Variants in WWOX observed in about 807,000 individuals in gnomAD.
The protein encoded by WWOX is WW domain containing oxidoreductase, also known as WW domain-containing oxidoreductase.
A neutral mutation model predicts 46.2 loss-of-function variants in WWOX; 69 were observed. That is an observed-to-expected ratio of 1.49 (90% CI 1.23 to 1.82). The LOEUF is 1.82. Ranked by LOEUF, WWOX falls within the 40% of genes most tolerant of loss-of-function variation. The pLI is 0.00. For synonymous variants in WWOX, 359 were observed against 202.6 expected, an observed-to-expected ratio of 1.77 and a Z score of -6.56; for missense variants, 919 against 542.6, an observed-to-expected ratio of 1.69 and a Z score of -6.89.
chr16:78,908,158 C>G (rs1256338239), intron 8 of WWOX, among the ~76,000 whole-genome samples: 1 of 152,150 alleles, frequency 6.6e-6, no homozygotes, highest in Non-Finnish European at 1.5e-5. Flanking sequence ...AGTGTCACAA[C>G]TTAAGAGCCA....
At chr16:78,886,591 A>G (rs183050317) in intron 8 of WWOX, among the ~76,000 whole-genome samples, 1 of 150,780 alleles carries the variant, frequency 6.6e-6, no homozygotes, top group African/African-American at 2.4e-5. Context: ...ATTGATATGT[A>G]TTGTCCAATT....
At chr16:79,109,055 C>T (rs942019529) in intron 8 of WWOX, among the ~76,000 whole-genome samples, 10 of 151,968 alleles carry the variant, frequency 6.6e-5, no homozygotes, top group Non-Finnish European at 1.3e-4. Context: ...AGTGTGTTGT[C>T]TTTGTGTCCG....
chr16:78,257,600 C>T (rs1183608996), intron 5 of WWOX, among the ~76,000 whole-genome samples: 1 of 152,156 alleles, frequency 6.6e-6, no homozygotes, highest in Non-Finnish European at 1.5e-5. Flanking sequence ...CCCACTGCAA[C>T]CACGCAATTA....
intron 8 of WWOX, among the ~76,000 whole-genome samples, chr16:78,463,778 G>A (rs1015026402): frequency 6.6e-6 from 1 of 152,142 alleles, no homozygotes. Flanking sequence ...GTTAGGTTAG[G>A]GTTTATGATC....
chr16:78,251,464 T>C (rs1397739790), intron 5 of WWOX, among the ~76,000 whole-genome samples: 1 of 152,200 alleles, frequency 6.6e-6, no homozygotes, highest in Non-Finnish European at 1.5e-5. Context: ...TGTTTCACTC[T>C]GTACAGGTGC....
intron 8 of WWOX, among the ~76,000 whole-genome samples, chr16:78,714,087 T>C (rs1436765270): frequency 6.6e-6 from 1 of 152,096 alleles, no homozygotes; most frequent in Non-Finnish European, 1.5e-5. Flanking sequence ...AACCCAAAGC[T>C]CTCTTGTGAA....
chr16:78,294,153 T>G (rs896948455), intron 5 of WWOX, among the ~76,000 whole-genome samples: 25 of 152,068 alleles, frequency 1.6e-4, no homozygotes, highest in African/African-American at 5.6e-4. Flanking sequence ...TTTCTCCTTG[T>G]CTGGGTTGCT....
intron 8 of WWOX, among the ~76,000 whole-genome samples, chr16:78,507,649 C>T (rs1208769856): frequency 6.6e-6 from 1 of 152,150 alleles, no homozygotes; most frequent in Non-Finnish European, 1.5e-5. Context: ...ATGCCTTGGT[C>T]CCGTCTCCAG....
intron 8 of WWOX, among the ~76,000 whole-genome samples, chr16:79,166,832 A>C (rs2050603656): frequency 6.6e-6 from 1 of 152,222 alleles, no homozygotes; most frequent in African/African-American, 2.4e-5. Flanking sequence ...CAGTTGAACA[A>C]ATAAACTATT....
chr16:78,532,218 G>T (rs1207755220), intron 8 of WWOX, among the ~76,000 whole-genome samples: 1 of 151,958 alleles, frequency 6.6e-6, no homozygotes, highest in African/African-American at 2.4e-5. Context: ...TTTTAATATT[G>T]GTATCACTTT....
At chr16:79,175,182 A>G (rs777674347) in intron 8 of WWOX, among the ~76,000 whole-genome samples, 4 of 152,232 alleles carry the variant, frequency 2.6e-5, no homozygotes, top group South Asian at 4.1e-4. Flanking sequence ...CTAATTTTTA[A>G]TATGCCTCAT....
intron 7 of WWOX, among the ~76,000 whole-genome samples, chr16:78,428,640 C>T (rs1262579932): frequency 1.3e-5 from 2 of 152,162 alleles, no homozygotes; most frequent in Non-Finnish European, 2.9e-5. Flanking sequence ...ACATTTAATT[C>T]ACTTAGTGTT....
At chr16:78,511,163 A>C (rs1312388841) in intron 8 of WWOX, among the ~76,000 whole-genome samples, 2 of 152,258 alleles carry the variant, frequency 1.3e-5, no homozygotes, top group Non-Finnish European at 2.9e-5. Flanking sequence ...CCGCCTGTAC[A>C]AAAATCGGGA....
At chr16:78,202,395 A>C (rs2036258523) in intron 5 of WWOX, among the ~76,000 whole-genome samples, 1 of 152,206 alleles carries the variant, frequency 6.6e-6, no homozygotes, top group Admixed American at 6.5e-5. Flanking sequence ...CAGGTTTCTT[A>C]AATTCCGTCG....
rs76754331 is a variant in WWOX at position 78,655,890 on chromosome 16, A to G, written c.1056+223138A>G. Reference sequence around the variant, plus strand: ...GCTGTCTGTGTGTGTTCCTTTTCTCAGTACCCCAGCTCTGTATTCGAGCGT... The same window carrying G: ...GCTGTCTGTGTGTGTTCCTTTTCTCGGTACCCCAGCTCTGTATTCGAGCGT... On this transcript the variant is annotated intron_variant, in intron 8 of 8. Transcript: ENST00000566780. Among the ~76,000 whole-genome samples, 387 of 152,246 alleles carry G rather than the reference A, an allele frequency of 2.5e-3. 3 individuals carry two copies. Among genetic ancestry groups the G allele is most frequent in the African/African-American group, 8.8e-3 (364 of 41,540 alleles).
At chr16:78,923,456 T>C (rs1190213244) in intron 8 of WWOX, among the ~76,000 whole-genome samples, 1 of 152,204 alleles carries the variant, frequency 6.6e-6, no homozygotes, top group African/African-American at 2.4e-5. Context: ...CCTTTCCTAA[T>C]ATCTAGTTTA....
chr16:78,418,508 G>T (rs551838381), intron 6 of WWOX, among the ~76,000 whole-genome samples: 1 of 152,024 alleles, frequency 6.6e-6, no homozygotes, highest in Non-Finnish European at 1.5e-5. Flanking sequence ...ACAAGAAAAG[G>T]AAACTTTAGG....
At chr16:78,110,748 G>A (rs1014513963) in intron 3 of WWOX, among the ~76,000 whole-genome samples, 4 of 152,174 alleles carry the variant, frequency 2.6e-5, no homozygotes, top group African/African-American at 9.7e-5. Flanking sequence ...AGTGCCCTGA[G>A]AGGTAGTATT....
intron 8 of WWOX, among the ~76,000 whole-genome samples, chr16:78,562,956 C>T (rs551589003): frequency 6.6e-6 from 1 of 152,108 alleles, no homozygotes; most frequent in South Asian, 2.1e-4. Flanking sequence ...ATATGCTGTG[C>T]AGATCCCTCT....
Sources: gnomAD v4.1 joint callset for allele counts (sites outside exome capture counted in the v4.1 genomes callset) on GRCh38, gnomAD v4.1.1 for gene constraint, MANE v1.5 for transcripts, NCBI Gene and HGNC (gene_info 2026-07-23, HGNC 2026-07-21) for gene names.